The following CAST variants were observed in gnomAD, a reference collection of about 807,000 sequenced individuals.
CAST encodes calpastatin.
In CAST, 76 loss-of-function variants were observed where a neutral mutation model predicts 119.6. The ratio of observed to expected loss-of-function variants is 0.64; its 90% CI spans 0.53 to 0.77. The LOEUF (loss-of-function observed/expected upper bound fraction) is 0.77. Ranked by LOEUF, CAST falls within the 30% of genes least tolerant of loss-of-function variation. The pLI is 0.00. For missense variants in CAST, 953 were observed against 946.5 expected, an observed-to-expected ratio of 1.01 and a Z score of -0.09; for synonymous variants, 319 against 331.6, an observed-to-expected ratio of 0.96 and a Z score of 0.41.
At chr5:96,343,540 T>G in the CAST span, among the ~76,000 whole-genome samples, 2 of 152,192 alleles carry the variant, frequency 1.3e-5, no homozygotes, top group Admixed American at 6.6e-5. Context: ...TTACAGGGCT[T>G]GCCTAAGGAG....
At chr5:96,612,115 T>C (rs1028951430) in intron 1 of CAST, among the ~76,000 whole-genome samples, 1 of 152,140 alleles carries the variant, frequency 6.6e-6, no homozygotes, top group Non-Finnish European at 1.5e-5. Flanking sequence ...GGAAAAGAAA[T>C]AGTTCTACTA....
At chr5:96,080,963 T>A in the CAST span, among the ~76,000 whole-genome samples, 2 of 152,218 alleles carry the variant, frequency 1.3e-5, no homozygotes, top group Non-Finnish European at 2.9e-5. Flanking sequence ...GCTTTGGTAT[T>A]GTATTTTCAA....
At chr5:96,119,129 GA>G in the CAST span, among the ~76,000 whole-genome samples, 3 of 151,988 alleles carry the variant, frequency 2.0e-5, no homozygotes, top group African/African-American at 7.2e-5. Flanking sequence ...CCCATGAGGG[GA>G]AAAAAGGATT....
chr5:96,234,324 C>T, the CAST span, among the ~76,000 whole-genome samples: 12 of 152,302 alleles, frequency 7.9e-5, no homozygotes, highest in East Asian at 1.5e-3. Context: ...GTAGGGAATG[C>T]GGCTAGAGAT....
the CAST span, among the ~76,000 whole-genome samples, chr5:96,082,181 G>A: frequency 6.6e-6 from 1 of 152,148 alleles, no homozygotes; most frequent in East Asian, 1.9e-4. Context: ...CAAAGTGCTG[G>A]GATTACAGGT....
In CAST at chr5:96,755,898, G is replaced by C. The variant is rs145484055; in HGVS notation, c.1710+1157G>C. Among the ~76,000 whole-genome samples the C allele has an allele frequency of 3.9e-3, 601 of 152,292 alleles. 13 individuals carry two copies. The highest frequency in any genetic ancestry group is 0.024 in the South Asian group (117 of 4,824). On this transcript the variant is annotated intron_variant, in intron 22 of 31. Transcript: ENST00000675179. ...GCCACATGTTCTGTCTCCACTGAGT[G>C]CCCATTCAGTAGAGGCTGGTCAAGT...
chr5:96,052,407 C>T, the CAST span, among the ~76,000 whole-genome samples: 1 of 152,174 alleles, frequency 6.6e-6, no homozygotes, highest in Non-Finnish European at 1.5e-5. Flanking sequence ...CCAATCAGGA[C>T]AATATCTTCA....
At chr5:96,078,584 G>A in the CAST span, among the ~76,000 whole-genome samples, 1,449 of 152,064 alleles carry the variant, frequency 9.5e-3, 30 homozygotes, top group African/African-American at 0.032. Flanking sequence ...TAGTAGAGAT[G>A]GGGTTTCACC....
chr5:95,997,490 T>C, the CAST span, among the ~76,000 whole-genome samples: 1 of 152,152 alleles, frequency 6.6e-6, no homozygotes, highest in Non-Finnish European at 1.5e-5. Flanking sequence ...TTCTGCTCTT[T>C]GTCTGCCCAA....
intron 1 of CAST, 82 bp from the exon 2 acceptor site, chr5:96,675,457 A>G: frequency 1.1e-6 from 1 of 924,904 alleles, no homozygotes; most frequent in Non-Finnish European, 1.8e-6. Context: ...AAAAAAGGGT[A>G]TGCATTTAGC....
At chr5:96,759,328 C>T (rs1767146367) in intron 24 of CAST, among the ~76,000 whole-genome samples, 2 of 152,008 alleles carry the variant, frequency 1.3e-5, no homozygotes, top group African/African-American at 4.8e-5. Flanking sequence ...AACAGAAATG[C>T]TATATAAAAA....
intron 2 of CAST, among the ~76,000 whole-genome samples, chr5:96,676,649 A>G (rs1233957086): frequency 6.6e-6 from 1 of 152,138 alleles, no homozygotes; most frequent in Non-Finnish European, 1.5e-5. Context: ...TAAAAATACA[A>G]AGTAGAAGTA....
chr5:96,078,077 C>T, the CAST span, among the ~76,000 whole-genome samples: 4 of 152,156 alleles, frequency 2.6e-5, no homozygotes, highest in African/African-American at 9.7e-5. Flanking sequence ...AATTATCCTG[C>T]TTCTTGCTGT....
At chr5:96,710,736 G>A (rs142389317) in intron 3 of CAST, among the ~76,000 whole-genome samples, 9 of 152,020 alleles carry the variant, frequency 5.9e-5, no homozygotes, top group Non-Finnish European at 1.0e-4. Flanking sequence ...TAGAATTAGA[G>A]ATCCTGTTTT....
the CAST span, among the ~76,000 whole-genome samples, chr5:96,034,930 C>T: frequency 2.4e-4 from 37 of 151,138 alleles, no homozygotes; most frequent in South Asian, 2.3e-3. Context: ...CATGTTGTCA[C>T]AAATGATAGA....
intron 1 of CAST, among the ~76,000 whole-genome samples, chr5:96,593,208 C>A (rs554893579): frequency 4.6e-5 from 7 of 152,372 alleles, no homozygotes; most frequent in Middle Eastern, 3.4e-3. Context: ...CCTGCTGTCA[C>A]CCTACGAACA....
At chr5:96,699,370 T>C (rs1031766765) in intron 3 of CAST, among the ~76,000 whole-genome samples, 2 of 152,210 alleles carry the variant, frequency 1.3e-5, no homozygotes, top group African/African-American at 4.8e-5. Flanking sequence ...GAACCCACTC[T>C]GACTAAGCCA....
chr5:96,237,295 T>C, the CAST span, among the ~76,000 whole-genome samples: 1 of 152,268 alleles, frequency 6.6e-6, no homozygotes, highest in African/African-American at 2.4e-5. Flanking sequence ...AACCTTTGTA[T>C]TGGTGTTAGT....
chr5:96,512,024 C>T, the CAST span, among the ~76,000 whole-genome samples: 1 of 152,194 alleles, frequency 6.6e-6, no homozygotes, highest in Admixed American at 6.5e-5. Flanking sequence ...GTTTTCCTCA[C>T]TAAAATGAAA....
Sources: allele counts gnomAD v4.1 joint callset (sites outside exome capture counted in the v4.1 genomes callset), GRCh38; gene constraint gnomAD v4.1.1; transcripts MANE v1.5; gene names NCBI Gene and HGNC (gene_info 2026-07-23, HGNC 2026-07-21).